SGCG: variants seen among roughly 807,000 people sequenced by gnomAD.
The protein encoded by SGCG is sarcoglycan gamma, also known as gamma-sarcoglycan.
In SGCG, 26 loss-of-function variants were observed where a neutral mutation model predicts 29.3. The ratio of observed to expected loss-of-function variants is 0.89; its 90% CI spans 0.65 to 1.23. The LOEUF is 1.23. SGCG is among the 50% of genes most tolerant of loss of function. The pLI, the probability that SGCG is intolerant of heterozygous loss-of-function variation, is 0.00. For missense variants in SGCG, 353 were observed against 356.0 expected, an observed-to-expected ratio of 0.99 and a Z score of 0.07; for synonymous variants, 145 against 129.7, an observed-to-expected ratio of 1.12 and a Z score of -0.80.
chr13:23,246,384 TA>T (rs1879710515), intron 3 of SGCG: 1 of 152,276 alleles, frequency 6.6e-6, no homozygotes, highest in Admixed American at 6.5e-5. Flanking sequence ...TCATTGTTGA[TA>T]CCCACTGTCA....
intron 7 of SGCG, among the ~76,000 whole-genome samples, chr13:23,321,093 T>G (rs1883024739): frequency 6.6e-6 from 1 of 152,044 alleles, no homozygotes; most frequent in African/African-American, 2.4e-5. Context: ...TGCCATTTCC[T>G]AGGGATGGCT....
At chr13:23,277,157 C>G (rs1881110142) in intron 4 of SGCG, among the ~76,000 whole-genome samples, 1 of 152,040 alleles carries the variant, frequency 6.6e-6, no homozygotes, top group African/African-American at 2.4e-5. Flanking sequence ...CAGTTCAACC[C>G]CTTATACTTA....
At chr13:23,306,562 G>A (rs1455208370) in intron 6 of SGCG, among the ~76,000 whole-genome samples, 2 of 152,152 alleles carry the variant, frequency 1.3e-5, no homozygotes, top group Non-Finnish European at 2.9e-5. Flanking sequence ...AAAAATCAAT[G>A]TCTATAAATA....
intron 3 of SGCG, among the ~76,000 whole-genome samples, chr13:23,236,481 T>G (rs1054788191): frequency 6.6e-6 from 1 of 152,020 alleles, no homozygotes; most frequent in Admixed American, 6.6e-5. Flanking sequence ...ATCAAGACCA[T>G]CCTGGCTAAC....
intron 1 of SGCG, among the ~76,000 whole-genome samples, chr13:23,188,235 TA>T (rs1877071353): frequency 6.7e-6 from 1 of 148,400 alleles, no homozygotes; most frequent in South Asian, 2.2e-4. Flanking sequence ...CACTAGATCC[TA>T]AAAACCACTA....
chr13:23,227,320 A>G (rs1400789098), intron 2 of SGCG, among the ~76,000 whole-genome samples: 7 of 137,836 alleles, frequency 5.1e-5, no homozygotes, highest in Admixed American at 5.0e-4. Flanking sequence ...AATGGGAAAA[A>G]AAAAAAAAAC....
intron 3 of SGCG, 101 bp downstream of exon 3, chr13:23,234,813 A>C: frequency 1.3e-6 from 1 of 794,776 alleles, no homozygotes; most frequent in Non-Finnish European, 2.2e-6. Context: ...TAAAGCGCAT[A>C]CATGTGCACA....
intron 4 of SGCG, chr13:23,268,933 T>C (rs1880752440): frequency 6.7e-6 from 1 of 149,628 alleles, no homozygotes; most frequent in African/African-American, 2.4e-5. Flanking sequence ...TCAGGAAGAC[T>C]AGCCGCTGCA....
At chr13:23,254,584 G>C (rs984100318) in intron 4 of SGCG, among the ~76,000 whole-genome samples, 3 of 152,214 alleles carry the variant, frequency 2.0e-5, no homozygotes, top group African/African-American at 7.2e-5. Flanking sequence ...GATTGGCACT[G>C]TGGTAGAGAA....
At chr13:23,245,870 CCA>C (rs1879691168) in intron 3 of SGCG, 1 of 152,240 alleles carries the variant, frequency 6.6e-6, no homozygotes, top group African/African-American at 2.4e-5. Context: ...GTAGGTGGAA[CCA>C]CAGTCGTATT....
chr13:23,177,214 T>A (rs1876585018), upstream of SGCG, among the ~76,000 whole-genome samples: 1 of 151,988 alleles, frequency 6.6e-6, no homozygotes, highest in African/African-American at 2.4e-5. Flanking sequence ...TACCAGAGAA[T>A]GGGGAGGGGA....
At chr13:23,303,338 G>A (rs765499434) in intron 6 of SGCG, among the ~76,000 whole-genome samples, 3 of 152,230 alleles carry the variant, frequency 2.0e-5, no homozygotes, top group Non-Finnish European at 4.4e-5. Flanking sequence ...CTGGTAACCA[G>A]GAGAACACTT....
At chr13:23,308,144 G>T (rs550202590) in intron 6 of SGCG, among the ~76,000 whole-genome samples, 1 of 152,268 alleles carries the variant, frequency 6.6e-6, no homozygotes, top group East Asian at 1.9e-4. Flanking sequence ...ATTTATCCTT[G>T]TAGTATTCTA....
intron 1 of SGCG, among the ~76,000 whole-genome samples, chr13:23,194,298 A>G (rs540466568): frequency 2.0e-5 from 3 of 152,358 alleles, no homozygotes; most frequent in African/African-American, 7.2e-5. Context: ...GTTTACCATC[A>G]TAAGCCATCC....
intron 4 of SGCG, among the ~76,000 whole-genome samples, chr13:23,271,481 C>T (rs1482356035): frequency 6.6e-6 from 1 of 152,136 alleles, no homozygotes; most frequent in Non-Finnish European, 1.5e-5. Flanking sequence ...GAGCTGAATT[C>T]AAAGCTGTCC....
intron 6 of SGCG, among the ~76,000 whole-genome samples, chr13:23,311,435 T>G (rs1355541380): frequency 6.6e-6 from 1 of 152,006 alleles, no homozygotes; most frequent in Admixed American, 6.6e-5. Context: ...AGGGTAGAGG[T>G]TTTTCACTTG....
intron 2 of SGCG, among the ~76,000 whole-genome samples, chr13:23,213,234 G>A (rs907933427): frequency 2.0e-5 from 3 of 152,160 alleles, no homozygotes; most frequent in Non-Finnish European, 4.4e-5. Flanking sequence ...CAGCTCTTTG[G>A]GAGGACAAGG....
intron 2 of SGCG, among the ~76,000 whole-genome samples, chr13:23,211,297 C>T (rs1274451960): frequency 6.6e-6 from 1 of 152,158 alleles, no homozygotes; most frequent in Non-Finnish European, 1.5e-5. Context: ...CTGTGCTTCT[C>T]CTAACTTTCC....
chr13:23,287,392 A>G (rs1488216235), intron 5 of SGCG, among the ~76,000 whole-genome samples: 1 of 124,912 alleles, frequency 8.0e-6, no homozygotes, highest in Non-Finnish European at 1.9e-5. Flanking sequence ...TCAGTCTTGC[A>G]AGCACAAAGA....
Sources: gnomAD v4.1 joint callset for allele counts (sites outside exome capture counted in the v4.1 genomes callset) on GRCh38, gnomAD v4.1.1 for gene constraint, MANE v1.5 for transcripts, NCBI Gene and HGNC (gene_info 2026-07-23, HGNC 2026-07-21) for gene names.